The following SRGAP1 variants were observed in gnomAD, a reference collection of about 807,000 sequenced individuals.
SRGAP1 encodes the protein SLIT-ROBO Rho GTPase activating protein 1.
In SRGAP1, 43 loss-of-function variants were observed where a neutral mutation model predicts 121.9. The observed-to-expected ratio is 0.35, with a 90% CI of 0.28 to 0.46. The LOEUF is 0.46. SRGAP1 is among the 20% of genes least tolerant of loss of function. The probability of loss-of-function intolerance (pLI) is 1.00; values close to 1 mark genes in which losing one functional copy is unlikely to be tolerated. For missense variants in SRGAP1, 1,102 were observed against 1,350.9 expected (o/e 0.82, Z 2.89); for synonymous variants, 447 against 485.4 (o/e 0.92, Z 1.04).
In SRGAP1 at chr12:63,986,517, A is replaced by G. The variant is rs187110821; in HGVS notation, c.263+2375A>G. On this transcript the variant is annotated intron_variant, in intron 2 of 21. Coordinates refer to ENST00000355086, the MANE Select transcript of SRGAP1 (RefSeq NM_020762.4). ...CGGCTCACTGCAACCTCCTCCTCCCATGTTCAAGCAATTCTTCTGCCTCAG... is the reference window on the plus strand; with the variant it reads ...CGGCTCACTGCAACCTCCTCCTCCCGTGTTCAAGCAATTCTTCTGCCTCAG... Among the ~76,000 whole-genome samples, 459 of 151,262 alleles carry G rather than the reference A, an allele frequency of 3.0e-3. 3 individuals carry two copies. Among genetic ancestry groups the G allele is most frequent in the African/African-American group, 0.011 (441 of 41,138 alleles).
chr12:64,120,962 G>T (rs974196713), intron 18 of SRGAP1, among the ~76,000 whole-genome samples: 1 of 149,480 alleles, frequency 6.7e-6, no homozygotes, highest in Non-Finnish European at 1.5e-5. Context: ...GGTAATTAAG[G>T]TATCTAGTGT....
At chr12:64,026,223 T>C (rs1488987679) in intron 4 of SRGAP1, among the ~76,000 whole-genome samples, 1 of 152,196 alleles carries the variant, frequency 6.6e-6, no homozygotes. Context: ...TGAAGTGTTT[T>C]GTCCAAATTA....
At chr12:63,925,850 C>T (rs980223437) in intron 1 of SRGAP1, among the ~76,000 whole-genome samples, 1 of 152,140 alleles carries the variant, frequency 6.6e-6, no homozygotes. Flanking sequence ...TTCCCCTAAC[C>T]CAGCCACAGT....
chr12:63,959,868 G>C (rs557235562), intron 1 of SRGAP1, among the ~76,000 whole-genome samples: 1 of 152,296 alleles, frequency 6.6e-6, no homozygotes, highest in South Asian at 2.1e-4. Context: ...TTGGAACCCA[G>C]GTGTGTGAGA....
intron 16 of SRGAP1, among the ~76,000 whole-genome samples, chr12:64,111,555 G>A (rs746768520): frequency 2.4e-4 from 36 of 152,114 alleles, no homozygotes; most frequent in Non-Finnish European, 4.4e-4. Context: ...TTTGAAAAAT[G>A]CTACTTAGTT....
chr12:64,096,503 T>G (rs1686041873), intron 14 of SRGAP1, among the ~76,000 whole-genome samples: 1 of 152,206 alleles, frequency 6.6e-6, no homozygotes, highest in African/African-American at 2.4e-5. Context: ...TAACCAGACT[T>G]GTTGCCTAAT....
intron 1 of SRGAP1, among the ~76,000 whole-genome samples, chr12:63,909,556 A>G (rs1023176143): frequency 6.6e-6 from 1 of 152,226 alleles, no homozygotes; most frequent in African/African-American, 2.4e-5. Context: ...CCAGGCAAAT[A>G]TAGGCACACT....
At chr12:64,046,410 G>A (rs2035130840) in intron 6 of SRGAP1, among the ~76,000 whole-genome samples, 1 of 152,174 alleles carries the variant, frequency 6.6e-6, no homozygotes, top group Non-Finnish European at 1.5e-5. Flanking sequence ...GAGGACACGA[G>A]TGAAAACAGG....
intron 1 of SRGAP1, among the ~76,000 whole-genome samples, chr12:63,911,997 G>A (rs185292345): frequency 1.2e-3 from 182 of 152,280 alleles, no homozygotes; most frequent in Non-Finnish European, 2.1e-3. Context: ...AATAGTGGAG[G>A]ATGTGCAGAG....
intron 21 of SRGAP1, among the ~76,000 whole-genome samples, chr12:64,140,577 A>G (rs2036940538): frequency 6.6e-6 from 1 of 152,030 alleles, no homozygotes; most frequent in Non-Finnish European, 1.5e-5. Context: ...ATGAGATACC[A>G]TCTCACACCA....
At chr12:64,132,999 C>T (rs2036808520) in intron 21 of SRGAP1, among the ~76,000 whole-genome samples, 1 of 152,210 alleles carries the variant, frequency 6.6e-6, no homozygotes, top group Non-Finnish European at 1.5e-5. Flanking sequence ...GCAATGAAAC[C>T]ACATCTGGTA....
At chr12:64,052,690 A>C (rs1593080521) in intron 6 of SRGAP1, among the ~76,000 whole-genome samples, 1 of 152,214 alleles carries the variant, frequency 6.6e-6, no homozygotes, top group African/African-American at 2.4e-5. Flanking sequence ...TCTAAAGCTC[A>C]CCAATATACT....
At chr12:64,012,549 A>ATT (rs1428356285) in intron 3 of SRGAP1, among the ~76,000 whole-genome samples, 2 of 98,684 alleles carry the variant, frequency 2.0e-5, no homozygotes, top group African/African-American at 5.0e-5. Flanking sequence ...TTAAGTTATT[A>ATT]TCTTTTTTTT....
chr12:63,976,700 CATTTA>C (rs2033105249), intron 1 of SRGAP1, among the ~76,000 whole-genome samples: 1 of 152,192 alleles, frequency 6.6e-6, no homozygotes, highest in African/African-American at 2.4e-5. Flanking sequence ...TATATCATCT[CATTTA>C]ATTCTCAGCA....
At chr12:63,862,005 C>T (rs1312411429) in intron 1 of SRGAP1, among the ~76,000 whole-genome samples, 1 of 152,042 alleles carries the variant, frequency 6.6e-6, no homozygotes, top group Non-Finnish European at 1.5e-5. Flanking sequence ...CCTGTAATCC[C>T]AGCTACTCAG....
In SRGAP1 at chr12:64,006,771, T is replaced by TG. The variant is rs915707813; in HGVS notation, c.427-10172dup. Among the ~76,000 whole-genome samples, 7 of 152,116 alleles carry TG rather than the reference T, an allele frequency of 4.6e-5. No homozygotes were observed. In the East Asian group the frequency reaches 9.6e-4, roughly 21 times the overall value. The stretch of plus-strand genomic sequence containing the variant: ...ATTATTGTCAACCACCAGTGTGTCC[T>TG]GGGGGGGAAAAAAGAATTATCATTG... On this transcript the variant is annotated intron_variant, in intron 3 of 21. Coordinates refer to ENST00000355086, the MANE Select transcript of SRGAP1 (RefSeq NM_020762.4).
chr12:63,936,760 T>C (rs959192003), intron 1 of SRGAP1, among the ~76,000 whole-genome samples: 3 of 152,234 alleles, frequency 2.0e-5, no homozygotes, highest in Non-Finnish European at 2.9e-5. Flanking sequence ...CTCACTGATA[T>C]ATCAATTCTA....
At chr12:63,968,840 G>A (rs963033723) in intron 1 of SRGAP1, among the ~76,000 whole-genome samples, 1 of 152,188 alleles carries the variant, frequency 6.6e-6, no homozygotes, top group East Asian at 1.9e-4. Context: ...CAGACTGCTC[G>A]CTTGCCTCTG....
At chr12:64,039,628 C>CGTGTGTGTGTGTGTGTGTGTGTGTGT (rs6144742) in intron 4 of SRGAP1, among the ~76,000 whole-genome samples, 3,685 of 130,802 alleles carry the variant, frequency 0.028, 227 homozygotes, top group Non-Finnish European at 0.038. Context: ...AGCTGAGCAA[C>CGTGTGTGTGTGTGTGTGTGTGTGTGT]GTGTGTGTGT....
Sources: allele counts gnomAD v4.1 joint callset (sites outside exome capture counted in the v4.1 genomes callset), GRCh38; gene constraint gnomAD v4.1.1; transcripts MANE v1.5; gene names NCBI Gene and HGNC (gene_info 2026-07-23, HGNC 2026-07-21).